The following PILRB variants were observed in gnomAD, a reference collection of about 807,000 sequenced individuals.
PILRB encodes paired immunoglobulin-like type 2 receptor beta.
Under a neutral mutation model 20.5 loss-of-function variants are expected in PILRB, and 21 were observed. The ratio of observed to expected loss-of-function variants is 1.02; its 90% CI spans 0.72 to 1.47. The LOEUF (loss-of-function observed/expected upper bound fraction) is 1.47, where lower values mean the gene tolerates loss of function less well. Among genes scored for constraint, PILRB ranks in the 40% most tolerant of loss-of-function variants. The pLI is 0.00. For missense variants in PILRB, 253 were observed against 272.1 expected (o/e 0.93, Z 0.49); for synonymous variants, 133 against 115.1 (o/e 1.16, Z -0.99).
At chr7:100,359,293 C>A in intron 2 of PILRB, 44 bp from the exon 3 acceptor site, 1 of 1,600,034 alleles carries the variant, frequency 6.2e-7, no homozygotes, top group South Asian at 1.1e-5. Context: ...TCCAGACGCC[C>A]CACACCCCCA....
chr7:100,358,763 TG>T lies in PILRB; in HGVS notation c.140del (p.Gly47AlafsTer15), dbSNP rs1202664429. 2 of 1,613,858 alleles carry T rather than the reference TG, an allele frequency of 1.2e-6. No individual in the cohort carries two copies. Among genetic ancestry groups the T allele is most frequent in the Non-Finnish European group, 1.7e-6 (2 of 1,179,800 alleles). On this transcript the variant is annotated frameshift_variant, in exon 2 of 4. Coordinates refer to ENST00000609309, the MANE Select transcript of PILRB (RefSeq NM_178238.4). LOFTEE classifies it high-confidence loss of function. ...QPKHLSASMG[G>X]SVEIPFSFYY... ...CAAAACACCTCTCAGCCTCCATGGG[TG>T]GCTCTGTGGAAATCCCCTTCTCCTT...
At position 100,359,483 on chromosome 7, in the gene PILRB, A is replaced by G. The variant is rs1790466900; in HGVS notation, c.601A>G (p.Thr201Ala). 8 of 1,613,668 alleles carry G rather than the reference A, an allele frequency of 5.0e-6. No individual in the cohort carries two copies. Among genetic ancestry groups the G allele is most frequent in the Non-Finnish European group, 5.9e-6 (7 of 1,179,828 alleles). ...RVALAVAVLK[T>A]VILGLLCLLL... ...TGCATTGGCTGTCGCTGTGCTCAAA[A>G]CTGTCATTTTGGGACTGCTGTGCCT... The change falls in exon 3 of 4, where the codon ACT (threonine) becomes GCT (alanine). Residue 201 changes from threonine to alanine, a missense_variant. Coordinates refer to ENST00000609309, the MANE Select transcript of PILRB (RefSeq NM_178238.4).
chr7:100,361,401 A>G (rs1454025706), intron 3 of PILRB, among the ~76,000 whole-genome samples: 1 of 152,140 alleles, frequency 6.6e-6, no homozygotes, highest in African/African-American at 2.4e-5. Context: ...ACCATCAAGA[A>G]AGTCTTCAGG....
rs554864325 is a variant in PILRB, at chr7:100,358,485, G to C, written c.64+119G>C. ...GCTCCCACCTCCAGCAAACAAGGGC[G>C]GGTCCCATAGGGGTGGGTGCCGCCA... is the stretch of plus-strand genomic sequence containing the variant. On this transcript the variant is annotated intron_variant, in intron 1 of 3. Transcript: ENST00000609309. 4 of 1,318,034 alleles carry C rather than the reference G, an allele frequency of 3.0e-6. No homozygotes were observed. In the South Asian group the frequency reaches 5.4e-5, roughly 18 times the overall value. The allele number at this position is 1,318,034 out of a possible 1,614,324, so 81.6% of individuals were successfully genotyped here. A position where few individuals can be genotyped will look rare whatever the true frequency, so the allele number is the denominator to read the frequency against.
At chr7:100,364,334 A>G (rs978776954) in intron 3 of PILRB, among the ~76,000 whole-genome samples, 10 of 152,214 alleles carry the variant, frequency 6.6e-5, no homozygotes, top group Non-Finnish European at 1.0e-4. Context: ...AAAGACTTCA[A>G]TGTAAGACCC....
intron 3 of PILRB, among the ~76,000 whole-genome samples, chr7:100,361,440 C>T (rs1164823118): frequency 6.6e-6 from 1 of 152,116 alleles, no homozygotes; most frequent in Non-Finnish European, 1.5e-5. Context: ...GCCTATAATC[C>T]CAGCACCTTG....
chr7:100,358,546 G>A, intron 1 of PILRB, 144 bp from the exon 2 acceptor site: 2 of 1,246,408 alleles, frequency 1.6e-6, no homozygotes, highest in Non-Finnish European at 2.2e-6. Flanking sequence ...TGCCTGAAGA[G>A]TGGGAGACCC....
rs1790732426 is a variant in PILRB at position 100,367,537 on chromosome 7, C to G, written c.*160C>G. The G allele has an allele frequency of 1.6e-6, 1 of 631,222 alleles. No homozygotes were observed. Among genetic ancestry groups the G allele is most frequent in the African/African-American group, 1.8e-5 (1 of 54,628 alleles). 39.1% of individuals were successfully genotyped at this position (631,222 alleles called of 1,614,324 possible). A position where few individuals can be genotyped will look rare whatever the true frequency, so the allele number is the denominator to read the frequency against. On this transcript the variant is annotated 3_prime_UTR_variant, in exon 4 of 4. Transcript: ENST00000609309. ...GCCGCAAGGCAGAAGGAGGCTGGGT[C>G]CCTGAATCACCGACTGGAGGAGAGT...
intron 3 of PILRB, among the ~76,000 whole-genome samples, chr7:100,361,002 C>G (rs1790509163): frequency 6.6e-6 from 1 of 152,142 alleles, no homozygotes; most frequent in Non-Finnish European, 1.5e-5. Flanking sequence ...GTGGCACAAT[C>G]TCGGCTCACT....
At chr7:100,359,187 AT>A in intron 2 of PILRB, 108 bp downstream of exon 2, 1 of 1,532,030 alleles carries the variant, frequency 6.5e-7, no homozygotes, top group Non-Finnish European at 9.0e-7. Context: ...AGCTGTTAGC[AT>A]TTCACCTTGC....
At chr7:100,362,320 T>C (rs78790204) in intron 3 of PILRB, among the ~76,000 whole-genome samples, 1 of 152,052 alleles carries the variant, frequency 6.6e-6, no homozygotes, top group South Asian at 2.1e-4. Flanking sequence ...TCAACAAAAT[T>C]CTAGCAAACC....
rs1222070286 is a variant in PILRB at position 100,367,338 on chromosome 7, C to T, written c.656-11C>T. The T allele has an allele frequency of 1.3e-6, 1 of 780,932 alleles. No homozygotes were observed. The allele number at this position is 780,932 out of a possible 1,614,324, so 48.4% of individuals were successfully genotyped here. ...CTGGCCCTGCATCTAAAAACACTTC[C>T]CCTCCTGCAGGTAGCAGGGCGCCAA... On this transcript the variant is annotated splice_polypyrimidine_tract_variant and intron_variant, in intron 3 of 3. Coordinates refer to ENST00000609309, the MANE Select transcript of PILRB (RefSeq NM_178238.4).
intron 3 of PILRB, among the ~76,000 whole-genome samples, chr7:100,361,828 C>T (rs151305652): frequency 3.9e-5 from 6 of 152,250 alleles, no homozygotes; most frequent in Admixed American, 2.6e-4. Context: ...GAAACAGGCT[C>T]GTGGGTACAA....
intron 2 of PILRB, 60 bp from the exon 3 acceptor site, chr7:100,359,277 C>G: frequency 6.3e-7 from 1 of 1,580,700 alleles, no homozygotes; most frequent in Non-Finnish European, 8.7e-7. Flanking sequence ...CACACCATGC[C>G]TTTCATCCAG....
rs1790420719 is a variant in PILRB, at chr7:100,358,316, T to TGCTGCTGCC, written c.15_23dup (p.Pro8_Leu10dup). 6.2e-7 allele frequency: 1 copy of TGCTGCTGCC among 1,612,890 alleles called. No homozygotes were observed. The highest frequency in any genetic ancestry group is 1.3e-5 in the African/African-American group (1 of 75,038). ...AAGAACAAGGCCATGGGTCGGCCCC[T>TGCTGCTGCC]GCTGCTGCCCCTGCTGCTCCTGCTG... is the stretch of plus-strand genomic sequence containing the variant. On this transcript the variant is annotated inframe_insertion, in exon 1 of 4. Transcript: ENST00000609309.
In PILRB at chr7:100,364,156, G is replaced by T. The variant is rs1174810788; in HGVS notation, c.656-3193G>T. ...ATAGAGCAGTGGAATAGAATACAGAGCCCACAAATAAACCCTCACATAGAT... is the reference window on the plus strand; with the variant it reads ...ATAGAGCAGTGGAATAGAATACAGATCCCACAAATAAACCCTCACATAGAT... On this transcript the variant is annotated intron_variant, in intron 3 of 3. Transcript: ENST00000609309. 4.6e-5 allele frequency among the ~76,000 whole-genome samples: 7 copies of T among 151,190 alleles called. 1 individual carries two copies. The highest frequency in any genetic ancestry group is 8.8e-5 in the Non-Finnish European group (6 of 67,818).
At chr7:100,366,940 G>A (rs1037255994) in intron 3 of PILRB, among the ~76,000 whole-genome samples, 1 of 152,170 alleles carries the variant, frequency 6.6e-6, no homozygotes, top group Non-Finnish European at 1.5e-5. Flanking sequence ...GGTGCCAGCT[G>A]AGTCCCAGGC....
chr7:100,363,701 A>G (rs554664588), intron 3 of PILRB, among the ~76,000 whole-genome samples: 68 of 152,358 alleles, frequency 4.5e-4, no homozygotes, highest in African/African-American at 1.6e-3. Context: ...TGGAATCTGA[A>G]AGCACTACCA....
intron 3 of PILRB, among the ~76,000 whole-genome samples, chr7:100,366,079 G>C (rs983800193): frequency 6.6e-6 from 1 of 151,154 alleles, no homozygotes; most frequent in African/African-American, 2.4e-5. Flanking sequence ...TCAGCCTCCT[G>C]AGTAGCTGGG....
Sources: allele counts gnomAD v4.1 joint callset (sites outside exome capture counted in the v4.1 genomes callset), GRCh38; gene constraint gnomAD v4.1.1; transcripts MANE v1.5; gene names NCBI Gene and HGNC (gene_info 2026-07-23, HGNC 2026-07-21).